TRABD2B: variants seen among roughly 807,000 people sequenced by gnomAD.
TRABD2B encodes the protein metalloprotease TIKI2.
In TRABD2B, 14 loss-of-function variants were observed where a neutral mutation model predicts 40.1. That is an observed-to-expected ratio of 0.35 (90% CI 0.23 to 0.55). The LOEUF is 0.55. Ranked by LOEUF, TRABD2B falls within the 20% of genes least tolerant of loss-of-function variation. The probability of loss-of-function intolerance (pLI) is 0.90; values close to 1 mark genes in which losing one functional copy is unlikely to be tolerated. For synonymous variants in TRABD2B, 263 were observed against 277.0 expected, an observed-to-expected ratio of 0.95 and a Z score of 0.50; for missense variants, 541 against 648.6, an observed-to-expected ratio of 0.83 and a Z score of 1.80.
intron 4 of TRABD2B, 52 bp downstream of exon 4, chr1:47,794,534 A>T (rs1288931783): frequency 6.8e-7 from 1 of 1,468,826 alleles, no homozygotes; most frequent in Non-Finnish European, 9.0e-7. Context: ...GGGAGAGCCA[A>T]GCAAATCTCC....
chr1:47,992,500 A>C (rs964846044), intron 2 of TRABD2B, among the ~76,000 whole-genome samples: 5 of 152,186 alleles, frequency 3.3e-5, no homozygotes, highest in African/African-American at 1.2e-4. Context: ...TGGTGCAAAG[A>C]GAGTGTTGAG....
At chr1:47,820,125 C>T (rs1234219860) in intron 2 of TRABD2B, 1 of 152,218 alleles carries the variant, frequency 6.6e-6, no homozygotes, top group Non-Finnish European at 1.5e-5. Context: ...CATCACCTTC[C>T]ACAGGAAGGT....
At chr1:47,930,728 C>T (rs1645029160) in intron 2 of TRABD2B, among the ~76,000 whole-genome samples, 1 of 152,184 alleles carries the variant, frequency 6.6e-6, no homozygotes, top group African/African-American at 2.4e-5. Context: ...CACAACTCCT[C>T]TCTCCCTCCC....
In TRABD2B at chr1:47,785,851, G is replaced by A. The variant is rs529921450; in HGVS notation, c.989-7307C>T. On this transcript the variant is annotated intron_variant, in intron 4 of 6. Transcript: ENST00000606738. The stretch of plus-strand genomic sequence containing the variant: ...CAGGACTCCTGGGAGCTCCCTGTTG[G>A]CAGGGACAGGGCCCCACGCCTCCTG... 3.3e-5 allele frequency among the ~76,000 whole-genome samples: 5 copies of A among 152,328 alleles called. No individual in the cohort carries two copies. The South Asian group carries it at 1.0e-3, about 32-fold the overall frequency.
chr1:47,992,855 G>A (rs1424560328), intron 2 of TRABD2B, among the ~76,000 whole-genome samples: 3 of 152,224 alleles, frequency 2.0e-5, no homozygotes, highest in African/African-American at 7.2e-5. Flanking sequence ...ACAATTATGG[G>A]AGAGCCAGCA....
chr1:47,946,951 T>C (rs1287852457), intron 2 of TRABD2B, among the ~76,000 whole-genome samples: 2 of 151,664 alleles, frequency 1.3e-5, no homozygotes, highest in Non-Finnish European at 2.9e-5. Context: ...TTTTTTTCCA[T>C]ATGGAGGTAA....
intron 2 of TRABD2B, among the ~76,000 whole-genome samples, chr1:47,915,853 C>T (rs1054334096): frequency 2.0e-5 from 3 of 152,212 alleles, no homozygotes; most frequent in Admixed American, 1.3e-4. Flanking sequence ...GTCGTGCCCC[C>T]ACGCTCCCCT....
Position 47,896,280 on chromosome 1 carries a change from G to A in TRABD2B, c.667-94661C>T, listed in dbSNP as rs201259391. Among the ~76,000 whole-genome samples, 64 of 152,324 alleles carry A rather than the reference G, an allele frequency of 4.2e-4. No homozygotes were observed. In the East Asian group the frequency reaches 0.011, roughly 27 times the overall value. On this transcript the variant is annotated intron_variant, in intron 2 of 6. Coordinates refer to ENST00000606738, the MANE Select transcript of TRABD2B (RefSeq NM_001194986.2). Reference sequence around the variant, plus strand: ...GGCCCAGGGCCTAGAGGGAAGAGAGGATGAGGAGTTTGGGGGTCTCGGGTT... The same window carrying A: ...GGCCCAGGGCCTAGAGGGAAGAGAGAATGAGGAGTTTGGGGGTCTCGGGTT...
intron 2 of TRABD2B, among the ~76,000 whole-genome samples, chr1:47,955,535 G>A (rs1376462793): frequency 2.0e-5 from 3 of 152,106 alleles, no homozygotes; most frequent in African/African-American, 7.2e-5. Context: ...TCCCCTACAA[G>A]CACTGACCAT....
chr1:47,789,299 G>A (rs1433246332), intron 4 of TRABD2B, among the ~76,000 whole-genome samples: 1 of 152,134 alleles, frequency 6.6e-6, no homozygotes, highest in African/African-American at 2.4e-5. Context: ...CCGTGACTTG[G>A]CAGGTTCATG....
intron 2 of TRABD2B, among the ~76,000 whole-genome samples, chr1:47,937,178 CATT>C (rs1299813100): frequency 4.4e-4 from 66 of 151,368 alleles, no homozygotes; most frequent in African/African-American, 1.6e-3. Context: ...CCACCACCAT[CATT>C]ATCATCATTA....
At chr1:47,821,917 C>T (rs1460876137) in intron 2 of TRABD2B, among the ~76,000 whole-genome samples, 1 of 152,132 alleles carries the variant, frequency 6.6e-6, no homozygotes, top group East Asian at 1.9e-4. Context: ...AACAATGAGG[C>T]ACTGCTGATT....
At chr1:47,846,697 T>A (rs966864885) in intron 2 of TRABD2B, among the ~76,000 whole-genome samples, 2 of 152,028 alleles carry the variant, frequency 1.3e-5, no homozygotes, top group African/African-American at 4.8e-5. Flanking sequence ...ACGAAACATC[T>A]GGGGGACTTA....
In TRABD2B at chr1:47,838,625, A is replaced by G. The variant is rs113144300; in HGVS notation, c.667-37006T>C. ...TTAGATATTCACTTCCAAGTCATCC[A>G]CTGAAGAAGACTAAGTCCCTTTGGT... On this transcript the variant is annotated intron_variant, in intron 2 of 6. Coordinates refer to ENST00000606738, the MANE Select transcript of TRABD2B (RefSeq NM_001194986.2). 5.4e-4 allele frequency among the ~76,000 whole-genome samples: 82 copies of G among 152,356 alleles called. 4 individuals are homozygous for G. Among genetic ancestry groups the G allele is most frequent in the African/African-American group, 2.0e-3 (82 of 41,582 alleles).
chr1:47,970,805 C>T (rs1230007895), intron 2 of TRABD2B, among the ~76,000 whole-genome samples: 1 of 152,098 alleles, frequency 6.6e-6, no homozygotes, highest in Non-Finnish European at 1.5e-5. Flanking sequence ...TGGAAGATTC[C>T]CTTCTCATGG....
intron 2 of TRABD2B, among the ~76,000 whole-genome samples, chr1:47,927,111 T>C (rs1202289283): frequency 6.6e-6 from 1 of 152,014 alleles, no homozygotes; most frequent in South Asian, 2.1e-4. Flanking sequence ...AGGACTAAGA[T>C]TGAGAATGGC....
At chr1:47,887,449 C>A (rs1013654789) in intron 2 of TRABD2B, among the ~76,000 whole-genome samples, 2 of 152,062 alleles carry the variant, frequency 1.3e-5, no homozygotes, top group Admixed American at 1.3e-4. Flanking sequence ...GGAGTCATGA[C>A]TCAATTTCCC....
At chr1:47,895,531 G>A (rs1318469701) in intron 2 of TRABD2B, among the ~76,000 whole-genome samples, 4 of 152,124 alleles carry the variant, frequency 2.6e-5, no homozygotes, top group Non-Finnish European at 4.4e-5. Flanking sequence ...CTCAGGTCTC[G>A]CTTCCCCAAG....
rs536238607 is a variant in TRABD2B, at chr1:47,870,603, T to C, written c.667-68984A>G. Among the ~76,000 whole-genome samples, 12 of 152,314 alleles carry C rather than the reference T, an allele frequency of 7.9e-5. No homozygotes were observed. In the South Asian group the frequency reaches 2.1e-3, roughly 26 times the overall value. ...CAGCACACACGGAAGGAAGGAAACA[T>C]GCATTGCCCACATCACCTGCCTCAG... On this transcript the variant is annotated intron_variant, in intron 2 of 6. Coordinates refer to ENST00000606738, the MANE Select transcript of TRABD2B (RefSeq NM_001194986.2).
Sources: gnomAD v4.1 joint callset for allele counts (sites outside exome capture counted in the v4.1 genomes callset) on GRCh38, gnomAD v4.1.1 for gene constraint, MANE v1.5 for transcripts, NCBI Gene and HGNC (gene_info 2026-07-23, HGNC 2026-07-21) for gene names.